APC: variants seen among roughly 807,000 people sequenced by gnomAD.
APC encodes adenomatous polyposis coli protein.
In APC, 72 loss-of-function variants were observed where a neutral mutation model predicts 247.0. That is an observed-to-expected ratio of 0.29 (90% confidence interval 0.24 to 0.35). APC has a LOEUF of 0.35. Among genes scored for constraint, APC ranks in the 10% least tolerant of loss-of-function variants. The pLI is 1.00. For synonymous variants in APC, 1,254 were observed against 1,162.5 expected (o/e 1.08, Z -1.60); for missense variants, 3,400 against 3,360.7 (o/e 1.01, Z -0.29).
At chr5:112,770,308 G>A (rs953345165) in intron 4 of APC, among the ~76,000 whole-genome samples, 3 of 152,158 alleles carry the variant, frequency 2.0e-5, no homozygotes, top group Admixed American at 2.0e-4. Flanking sequence ...AGACTTAAAT[G>A]CAATGATCCC....
chr5:112,801,947 A>G (rs988530766), intron 8 of APC, among the ~76,000 whole-genome samples: 2 of 151,844 alleles, frequency 1.3e-5, no homozygotes, highest in African/African-American at 4.8e-5. Context: ...TTTTTTTTAC[A>G]TACAGAACTG....
Position 112,836,169 on chromosome 5 carries a change from C to T in APC, c.1958+1004C>T, listed in dbSNP as rs944300057. On this transcript the variant is annotated intron_variant, in intron 15 of 15. Transcript: ENST00000257430. ...CCGAGTAGCTGGGATTACAGGTCCC[C>T]CCCCCCCCCCGCCACCGTGCCCGGC... is the stretch of plus-strand genomic sequence containing the variant. Among the ~76,000 whole-genome samples the T allele has an allele frequency of 7.5e-5, 5 of 66,288 alleles. 2 individuals are homozygous for T. Among genetic ancestry groups the T allele is most frequent in the Non-Finnish European group, 1.8e-4 (5 of 27,044 alleles). 43.5% of individuals were successfully genotyped at this position (66,288 alleles called of 152,430 possible). A position where few individuals can be genotyped will look rare whatever the true frequency, so the allele number is the denominator to read the frequency against.
At chr5:112,756,768 A>G (rs149292578) in intron 2 of APC, among the ~76,000 whole-genome samples, 3 of 152,260 alleles carry the variant, frequency 2.0e-5, no homozygotes, top group Non-Finnish European at 2.9e-5. Context: ...CACACCCTCA[A>G]ATTTCTACAG....
intron 14 of APC, among the ~76,000 whole-genome samples, chr5:112,830,972 C>T (rs1269666320): frequency 6.6e-6 from 1 of 152,162 alleles, no homozygotes; most frequent in Non-Finnish European, 1.5e-5. Context: ...AAAATTAGTG[C>T]TTGCACACTT....
chr5:112,769,819 T>G (rs976122022), intron 4 of APC, among the ~76,000 whole-genome samples: 1 of 152,246 alleles, frequency 6.6e-6, no homozygotes, highest in African/African-American at 2.4e-5. Flanking sequence ...GTTTCATATA[T>G]GCCCATTTAT....
At chr5:112,750,728 A>G (rs1754262479) in intron 1 of APC, among the ~76,000 whole-genome samples, 1 of 152,102 alleles carries the variant, frequency 6.6e-6, no homozygotes, top group Admixed American at 6.5e-5. Flanking sequence ...TGTGTCTTAC[A>G]CCCATTAAAC....
chr5:112,719,379 G>C (rs954353808), intron 1 of APC, among the ~76,000 whole-genome samples: 3 of 151,330 alleles, frequency 2.0e-5, no homozygotes, highest in African/African-American at 7.3e-5. Flanking sequence ...CACCACGCCC[G>C]GCTAATTTTT....
Position 112,843,605 on chromosome 5 carries a change from T to G in APC, c.8011T>G (p.Ser2671Ala). Residue 2671 changes from serine to alanine, a missense_variant, in exon 16 of 16, where the codon TCT (serine) becomes GCT (alanine). Around this residue, in one of 9 missense-constraint regions of APC, gnomAD observed 1,788 missense variants for 1,649.5 expected, o/e 1.08. Coordinates refer to ENST00000257430, the MANE Select transcript of APC (RefSeq NM_000038.6). This position sits in a 1 kb window ranked among gnomAD's most constrained non-coding sequence, Gnocchi z 4.8. ...GGACTGTCCCATTAACAATCCTAGA[T>G]CTGGAAGATCTCCCACAGGTAATAC... ...IEDCPINNPR[S>A]GRSPTGNTPP... 1 of 1,613,956 alleles carries G rather than the reference T, an allele frequency of 6.2e-7. No homozygotes were observed. The highest frequency in any genetic ancestry group is 8.5e-7 in the Non-Finnish European group (1 of 1,179,914).
At chr5:112,725,122 G>A (rs1253458476) in intron 1 of APC, among the ~76,000 whole-genome samples, 6 of 151,844 alleles carry the variant, frequency 4.0e-5, no homozygotes, top group African/African-American at 1.2e-4. Flanking sequence ...TTACAGACAC[G>A]TGCCACCACA....
In APC at chr5:112,737,906, C is replaced by T; in HGVS notation, c.-38C>T. The T allele has an allele frequency of 1.0e-6, 1 of 985,732 alleles. No individual in the cohort carries two copies. Among genetic ancestry groups the T allele is most frequent in the Non-Finnish European group, 1.2e-6 (1 of 830,194 alleles). The allele number at this position is 985,732 out of a possible 1,614,324, so 61.1% of individuals were successfully genotyped here. On this transcript the variant is annotated 5_prime_UTR_variant, in exon 1 of 16. Transcript: ENST00000257430. Reference sequence around the variant, plus strand: ...TGTCACTGGAGACAGAATGGAGGTGCTGCCGGACTCGGAAATGGGGTAGGT... The same window carrying T: ...TGTCACTGGAGACAGAATGGAGGTGTTGCCGGACTCGGAAATGGGGTAGGT...
chr5:112,714,662 T>A (rs1321690522), intron 1 of APC, among the ~76,000 whole-genome samples: 1 of 152,208 alleles, frequency 6.6e-6, no homozygotes, highest in Non-Finnish European at 1.5e-5. Context: ...TGAAAAATAT[T>A]TTGTATTTGA....
intron 5 of APC, among the ~76,000 whole-genome samples, chr5:112,776,379 C>G (rs1361280884): frequency 5.3e-5 from 8 of 152,110 alleles, no homozygotes; most frequent in Non-Finnish European, 1.5e-5. Flanking sequence ...AAAAAACATG[C>G]AAGTCAATAG....
At chr5:112,793,532 A>C (rs560548987) in intron 7 of APC, among the ~76,000 whole-genome samples, 2 of 152,322 alleles carry the variant, frequency 1.3e-5, no homozygotes, top group East Asian at 3.9e-4. Flanking sequence ...CAACCCACCT[A>C]GATCACCCTA....
chr5:112,721,193 C>A (rs981159408), intron 1 of APC, among the ~76,000 whole-genome samples: 4 of 152,098 alleles, frequency 2.6e-5, no homozygotes, highest in Non-Finnish European at 4.4e-5. Flanking sequence ...GTGGGTGGAT[C>A]ACTTGAGGTC....
chr5:112,715,697 T>A (rs1751131775), intron 1 of APC, among the ~76,000 whole-genome samples: 1 of 152,224 alleles, frequency 6.6e-6, no homozygotes, highest in Non-Finnish European at 1.5e-5. Context: ...GTACATGTTA[T>A]ATTTTGATAC....
At chr5:112,730,355 C>T (rs1443059619) in intron 1 of APC, among the ~76,000 whole-genome samples, 2 of 152,132 alleles carry the variant, frequency 1.3e-5, no homozygotes, top group African/African-American at 4.8e-5. Context: ...CTGAAAGGTA[C>T]CTTAGTGAAG....
chr5:112,755,251 T>C (rs1346130569), intron 2 of APC, among the ~76,000 whole-genome samples: 1 of 152,234 alleles, frequency 6.6e-6, no homozygotes, highest in East Asian at 1.9e-4. Flanking sequence ...GGCTAGTTAG[T>C]TCTTAGTTCT....
chr5:112,836,359 T>A (rs972970876), intron 15 of APC, among the ~76,000 whole-genome samples: 2 of 152,216 alleles, frequency 1.3e-5, no homozygotes, highest in Admixed American at 6.5e-5. Flanking sequence ...TATAGCTTAT[T>A]CATTTTTTAA....
At chr5:112,792,747 T>C (rs1759772233) in intron 7 of APC, among the ~76,000 whole-genome samples, 1 of 152,230 alleles carries the variant, frequency 6.6e-6, no homozygotes, top group Admixed American at 6.5e-5. Context: ...ACTGTAAATA[T>C]AGATACCTTA....
Sources: allele counts gnomAD v4.1 joint callset (sites outside exome capture counted in the v4.1 genomes callset), GRCh38; gene constraint gnomAD v4.1.1; regional missense constraint gnomAD v4.1.1; non-coding constraint Gnocchi (gnomAD v3.1); transcripts MANE v1.5; gene names NCBI Gene and HGNC (gene_info 2026-07-23, HGNC 2026-07-21).